HFM1: variants seen among roughly 807,000 people sequenced by gnomAD.
The protein encoded by HFM1 is helicase for meiosis 1, also known as probable ATP-dependent DNA helicase HFM1.
Under a neutral mutation model 192.1 loss-of-function variants are expected in HFM1, and 169 were observed. The observed-to-expected ratio is 0.88, with a 90% CI of 0.78 to 1.00. HFM1 has a LOEUF of 1.00. Among genes scored for constraint, HFM1 ranks in the 50% least tolerant of loss-of-function variants. HFM1 has a pLI of 0.00. For missense variants in HFM1, 1,661 were observed against 1,668.0 expected, an observed-to-expected ratio of 1.00 and a Z score of 0.07; for synonymous variants, 525 against 537.8, an observed-to-expected ratio of 0.98 and a Z score of 0.33.
At position 91,315,901 on chromosome 1, in the gene HFM1, T is replaced by C. The variant is rs780112448; in HGVS notation, c.3054A>G (p.Gln1018=). Residue 1018 remains glutamine, a synonymous_variant, in exon 28 of 39, where the codon CAA becomes CAG. Coordinates refer to ENST00000370425, the MANE Select transcript of HFM1 (RefSeq NM_001017975.6). ...GAGAATCCGATGCTGTTCTTTTAGT[T>C]TGTAGCTGTTCAAAATTTCTTAATA... ...TVILRNFEQL[Q]TKRTASDSHY... is the part of the protein sequence containing the mutation. 2 of 1,607,354 alleles carry C rather than the reference T, an allele frequency of 1.2e-6. No individual in the cohort carries two copies. The highest frequency in any genetic ancestry group is 1.3e-5 in the African/African-American group (1 of 74,778).
intron 11 of HFM1, among the ~76,000 whole-genome samples, chr1:91,376,803 A>G (rs1660962591): frequency 6.6e-6 from 1 of 151,908 alleles, no homozygotes; most frequent in Admixed American, 6.6e-5. Flanking sequence ...CAGTGTTAGG[A>G]TACAGGAAAA....
Position 91,396,274 on chromosome 1 carries a change from C to A in HFM1, c.184+19G>T. The A allele has an allele frequency of 1.6e-6, 2 of 1,276,680 alleles. No individual in the cohort carries two copies. Among genetic ancestry groups the A allele is most frequent in the South Asian group, 1.3e-5 (1 of 76,248 alleles). 79.1% of individuals were successfully genotyped at this position (1,276,680 alleles called of 1,614,324 possible). Reference sequence around the variant, plus strand: ...GAACTGTATGGGTTTGGCTTCAAAACAAATATGTGATAATTTACCTAACAG... The same window carrying A: ...GAACTGTATGGGTTTGGCTTCAAAAAAAATATGTGATAATTTACCTAACAG... On this transcript the variant is annotated intron_variant, in intron 3 of 38. Coordinates refer to ENST00000370425, the MANE Select transcript of HFM1 (RefSeq NM_001017975.6).
At chr1:91,380,067 A>G in intron 8 of HFM1, 37 bp downstream of exon 8, 1 of 977,782 alleles carries the variant, frequency 1.0e-6, no homozygotes, top group African/African-American at 1.7e-5. Flanking sequence ...GTTTTTCATT[A>G]TTATAATTAG....
At position 91,351,726 on chromosome 1, in the gene HFM1, T is replaced by C. The variant is rs573779121; in HGVS notation, c.1978-83A>G. 8.0e-6 allele frequency: 5 copies of C among 625,360 alleles called. 1 individual carries two copies. The South Asian group carries it at 1.2e-4, about 15-fold the overall frequency. 38.7% of individuals were successfully genotyped at this position (625,360 alleles called of 1,614,324 possible). A position where few individuals can be genotyped will look rare whatever the true frequency, so the allele number is the denominator to read the frequency against. On this transcript the variant is annotated intron_variant, in intron 16 of 38. Coordinates refer to ENST00000370425, the MANE Select transcript of HFM1 (RefSeq NM_001017975.6). ...CTTCAATAACTGAAGACTTCCATTTTATATTAAACAGTCTCCTTGTCTGAA... is the reference window on the plus strand; with the variant it reads ...CTTCAATAACTGAAGACTTCCATTTCATATTAAACAGTCTCCTTGTCTGAA...
At chr1:91,298,142 C>A (rs931867160) in intron 30 of HFM1, among the ~76,000 whole-genome samples, 3 of 152,154 alleles carry the variant, frequency 2.0e-5, no homozygotes, top group Admixed American at 6.6e-5. Context: ...CTGACGAATG[C>A]ACAAGCCTCA....
chr1:91,368,369 G>T (rs1445799174), intron 13 of HFM1, among the ~76,000 whole-genome samples: 1 of 152,142 alleles, frequency 6.6e-6, no homozygotes, highest in African/African-American at 2.4e-5. Context: ...TACCAACAAA[G>T]GGAAACCCAA....
intron 20 of HFM1, among the ~76,000 whole-genome samples, chr1:91,331,889 C>A (rs1653883027): frequency 6.6e-6 from 1 of 151,796 alleles, no homozygotes; most frequent in South Asian, 2.1e-4. Context: ...GAGGGAGACT[C>A]CATCTCAAAA....
In HFM1 at chr1:91,261,104, G is replaced by C. The variant is rs763247776; in HGVS notation, c.*186C>G. On this transcript the variant is annotated 3_prime_UTR_variant, in exon 39 of 39. Coordinates refer to ENST00000370425, the MANE Select transcript of HFM1 (RefSeq NM_001017975.6). ...AAGCCACTGTAAAAGAGCTTTTCAA[G>C]AAGTTACAATATAATGGGAAAATAA... The C allele has an allele frequency of 1.7e-5, 6 of 357,222 alleles. No homozygotes were observed. Among genetic ancestry groups the C allele is most frequent in the Non-Finnish European group, 2.1e-5 (4 of 191,156 alleles). 22.1% of individuals were successfully genotyped at this position (357,222 alleles called of 1,614,324 possible). A position where few individuals can be genotyped will look rare whatever the true frequency, so the allele number is the denominator to read the frequency against.
chr1:91,341,784 A>C (rs1249292921), intron 20 of HFM1, among the ~76,000 whole-genome samples: 3 of 152,006 alleles, frequency 2.0e-5, no homozygotes, highest in Non-Finnish European at 4.4e-5. Context: ...AAATACAAAA[A>C]AAAAACCCAG....
intron 25 of HFM1, among the ~76,000 whole-genome samples, chr1:91,318,016 G>C (rs1320166532): frequency 6.6e-6 from 1 of 152,082 alleles, no homozygotes; most frequent in Non-Finnish European, 1.5e-5. Context: ...AAGCCAGAAA[G>C]ATTGGCTTTT....
intron 20 of HFM1, among the ~76,000 whole-genome samples, chr1:91,340,605 A>G (rs1314662444): frequency 6.6e-6 from 1 of 152,210 alleles, no homozygotes; most frequent in Non-Finnish European, 1.5e-5. Flanking sequence ...TACCAATATC[A>G]ACCTTGAATA....
chr1:91,279,882 A>T (rs760119178), intron 30 of HFM1, among the ~76,000 whole-genome samples: 7 of 152,138 alleles, frequency 4.6e-5, no homozygotes, highest in African/African-American at 9.7e-5. Flanking sequence ...TACAGAAAAA[A>T]CATAGTGGTG....
At chr1:91,401,226 C>T (rs1664276949) in intron 1 of HFM1, 117 bp from the exon 2 acceptor site, 1 of 563,674 alleles carries the variant, frequency 1.8e-6, no homozygotes, top group Non-Finnish European at 3.1e-6. Context: ...ACTATCCTTC[C>T]AGCTTCATCG....
intron 38 of HFM1, 66 bp downstream of exon 38, chr1:91,262,175 G>A: frequency 2.9e-6 from 2 of 697,248 alleles, no homozygotes; most frequent in Non-Finnish European, 2.3e-6. Flanking sequence ...GAAAACGGAA[G>A]GCTGAATTTC....
chr1:91,323,254 A>G (rs1279397017), intron 21 of HFM1, 55 bp from the exon 22 acceptor site: 3 of 905,578 alleles, frequency 3.3e-6, no homozygotes, highest in South Asian at 1.5e-5. Context: ...ATTTCCTCTC[A>G]TCCTTTCTCC....
intron 30 of HFM1, among the ~76,000 whole-genome samples, chr1:91,302,437 A>C (rs1370124154): frequency 6.6e-6 from 1 of 152,166 alleles, no homozygotes; most frequent in African/African-American, 2.4e-5. Context: ...TATTGGGTAT[A>C]TATCCAAAGG....
chr1:91,320,170 T>A (rs2101264013), intron 23 of HFM1, among the ~76,000 whole-genome samples: 1 of 152,228 alleles, frequency 6.6e-6, no homozygotes, highest in South Asian at 2.1e-4. Flanking sequence ...CTTCCTAAAC[T>A]CCTCAGTAGA....
intron 34 of HFM1, 83 bp downstream of exon 34, chr1:91,273,629 C>T (rs1436674140): frequency 9.3e-6 from 6 of 641,788 alleles, no homozygotes; most frequent in Non-Finnish European, 1.4e-5. Flanking sequence ...ATTTCAGATG[C>T]CGGTGTTTCA....
intron 30 of HFM1, among the ~76,000 whole-genome samples, chr1:91,298,772 A>G (rs1419353133): frequency 6.6e-6 from 1 of 152,232 alleles, no homozygotes; most frequent in East Asian, 1.9e-4. Flanking sequence ...CTGCCCTAAA[A>G]GAGCTCCTGA....
Sources: gnomAD v4.1 joint callset for allele counts (sites outside exome capture counted in the v4.1 genomes callset) on GRCh38, gnomAD v4.1.1 for gene constraint, MANE v1.5 for transcripts, NCBI Gene and HGNC (gene_info 2026-07-23, HGNC 2026-07-21) for gene names.